Variants in FAT1 observed in about 807,000 individuals in gnomAD.
The protein encoded by FAT1 is protocadherin Fat 1.
Under a neutral mutation model 329.8 loss-of-function variants are expected in FAT1, and 171 were observed. That is an observed-to-expected ratio of 0.52 (90% CI 0.46 to 0.59). FAT1 has a LOEUF of 0.59. Among genes scored for constraint, FAT1 ranks in the 20% least tolerant of loss-of-function variants. FAT1 has a pLI of 0.00. For synonymous variants in FAT1, 2,233 were observed against 2,228.6 expected (o/e 1.00, Z -0.06); for missense variants, 5,672 against 5,774.4 (o/e 0.98, Z 0.57).
intron 1 of FAT1, among the ~76,000 whole-genome samples, chr4:186,723,427 T>C (rs866351810): frequency 1.3e-5 from 2 of 152,190 alleles, no homozygotes; most frequent in South Asian, 4.1e-4. Flanking sequence ...TGGCCCCGGA[T>C]CGGTCCCGCG....
intron 3 of FAT1, among the ~76,000 whole-genome samples, chr4:186,662,037 A>T (rs1471341019): frequency 8.0e-6 from 1 of 125,782 alleles, no homozygotes; most frequent in Non-Finnish European, 1.6e-5. Flanking sequence ...CCCCCCAAAC[A>T]CACACTTGGT....
chr4:186,624,534 T>A (rs975139239), intron 9 of FAT1, among the ~76,000 whole-genome samples: 11 of 152,202 alleles, frequency 7.2e-5, no homozygotes, highest in South Asian at 2.1e-4. Context: ...TCTACTTTTT[T>A]AAAAAGATGT....
intron 7 of FAT1, among the ~76,000 whole-genome samples, chr4:186,631,312 C>T (rs141450954): frequency 0.033 from 4,914 of 150,282 alleles, 244 homozygotes; most frequent in African/African-American, 0.12. Context: ...TCCATCCCCG[C>T]GGTATCCTAG....
intron 14 of FAT1, among the ~76,000 whole-genome samples, chr4:186,610,428 C>T (rs1474642074): frequency 4.0e-5 from 6 of 151,598 alleles, no homozygotes. Flanking sequence ...TTTTCCTTCT[C>T]ATATTTTTAA....
At chr4:186,694,997 G>T (rs899982527) in intron 2 of FAT1, among the ~76,000 whole-genome samples, 1 of 152,064 alleles carries the variant, frequency 6.6e-6, no homozygotes, top group Non-Finnish European at 1.5e-5. Context: ...ATACAAAACA[G>T]CTTTTTCAAA....
chr4:186,666,185 TAA>T (rs34266165), intron 2 of FAT1, among the ~76,000 whole-genome samples: 95,224 of 149,910 alleles, frequency 0.64, 31,215 homozygotes, highest in African/African-American at 0.83. Context: ...TAAAGGATAG[TAA>T]AAAAAAAAAA....
intron 2 of FAT1, among the ~76,000 whole-genome samples, chr4:186,703,331 C>T (rs998530547): frequency 6.6e-6 from 1 of 152,152 alleles, no homozygotes. Context: ...TCTACAAAAA[C>T]AGAAAACTAC....
At chr4:186,679,268 T>G (rs867682390) in intron 2 of FAT1, among the ~76,000 whole-genome samples, 2 of 151,616 alleles carry the variant, frequency 1.3e-5, no homozygotes, top group Non-Finnish European at 1.5e-5. Flanking sequence ...TACAAAAAAA[T>G]TACCCGGGCG....
rs756446326 is a variant in FAT1 at position 186,628,136 on chromosome 4, T to C, written c.4810+18A>G. On this transcript the variant is annotated intron_variant, in intron 9 of 26. Coordinates refer to ENST00000441802, the MANE Select transcript of FAT1 (RefSeq NM_005245.4). ...AACAACTGCAAATTTAAAATGCCAC[T>C]GAAGGCTCCAAAAGTACCTGACTCG... is the stretch of plus-strand genomic sequence containing the variant. 5.0e-6 allele frequency: 8 copies of C among 1,610,996 alleles called. No homozygotes were observed. Among genetic ancestry groups the C allele is most frequent in the African/African-American group, 4.0e-5 (3 of 74,896 alleles).
At chr4:186,616,980 C>G in intron 11 of FAT1, 25 bp downstream of exon 11, 1 of 1,591,408 alleles carries the variant, frequency 6.3e-7, no homozygotes, top group Non-Finnish European at 8.6e-7. Flanking sequence ...TCATAACACA[C>G]AAATGTAAGG....
chr4:186,595,881 C>T lies in FAT1; in HGVS notation c.13001-55G>A, dbSNP rs559619071. 1.3e-4 allele frequency: 200 copies of T among 1,592,900 alleles called. 1 individual carries two copies. The highest frequency in any genetic ancestry group is 7.0e-4 in the South Asian group (63 of 89,896). On this transcript the variant is annotated intron_variant, in intron 25 of 26. Transcript: ENST00000441802. ...TATGGGCCAAGACGGTTTTGTTCAC[C>T]GCTGAATCCTGAGACACACCATGCA...
intron 1 of FAT1, among the ~76,000 whole-genome samples, chr4:186,722,649 T>G (rs897519875): frequency 1.3e-5 from 2 of 152,194 alleles, no homozygotes; most frequent in Non-Finnish European, 2.9e-5. Context: ...AAGAATAGTG[T>G]GAAAAACATC....
At chr4:186,679,604 G>GA (rs201653200) in intron 2 of FAT1, among the ~76,000 whole-genome samples, 26,786 of 145,388 alleles carry the variant, frequency 0.18, 2,653 homozygotes, top group East Asian at 0.27. Context: ...TTCAACATGG[G>GA]AAAAAAAAAA....
intron 11 of FAT1, among the ~76,000 whole-genome samples, 180 bp downstream of exon 11, chr4:186,616,818 TTTATTGA>T (rs1185908339): frequency 1.1e-4 from 16 of 152,222 alleles, no homozygotes; most frequent in African/African-American, 3.9e-4. Flanking sequence ...AGGCTTTTGA[TTTATTGA>T]GCATTCCCGC....
intron 1 of FAT1, among the ~76,000 whole-genome samples, chr4:186,712,541 G>T (rs932404624): frequency 1.3e-5 from 2 of 152,162 alleles, no homozygotes; most frequent in Admixed American, 6.5e-5. Flanking sequence ...TACATTTCCT[G>T]GCCAGACACA....
intron 3 of FAT1, among the ~76,000 whole-genome samples, chr4:186,657,219 G>A (rs1741945550): frequency 6.6e-6 from 1 of 152,110 alleles, no homozygotes; most frequent in African/African-American, 2.4e-5. Context: ...GCCAAAAACT[G>A]GCAGCAATAC....
chr4:186,676,280 A>C (rs1742955139), intron 2 of FAT1, among the ~76,000 whole-genome samples: 1 of 94,454 alleles, frequency 1.1e-5, no homozygotes. Context: ...CATTTTGTGA[A>C]AAAAAAAAAC....
chr4:186,619,165 C>T lies in FAT1; in HGVS notation c.7421G>A (p.Ser2474Asn), dbSNP rs1422896730. Reference protein sequence around the residue: ...NLSVSDGVFRSSTQVHVTVIG... With the variant: ...NLSVSDGVFRNSTQVHVTVIG... The stretch of plus-strand genomic sequence containing the variant: ...TACAGTTACATGAACCTGGGTGGAA[C>T]TTCTAAAAACTCCATCAGACACTGA... Residue 2474 changes from serine to asparagine, a missense_variant, in exon 10 of 27, where the codon AGT becomes AAT. Physicochemically the swap from Ser to Asn is conservative, Grantham distance 46 (BLOSUM62 1). Transcript: ENST00000441802. 3.7e-6 allele frequency: 6 copies of T among 1,613,822 alleles called. No individual in the cohort carries two copies. The highest frequency in any genetic ancestry group is 5.1e-6 in the Non-Finnish European group (6 of 1,179,910).
At position 186,663,386 on chromosome 4, in the gene FAT1, C is replaced by G. The variant is rs2126617098; in HGVS notation, c.3493G>C (p.Asp1165His). The G allele has an allele frequency of 6.2e-7, 1 of 1,614,004 alleles. No individual in the cohort carries two copies. The change falls in exon 3 of 27, where the codon GAT becomes CAT. Residue 1165 changes from aspartate to histidine, a missense_variant. Coordinates refer to ENST00000441802, the MANE Select transcript of FAT1 (RefSeq NM_005245.4). Reference sequence around the variant, plus strand: ...TTGTCATTAGAGCTCGAATCTGGATCAAATGCCTCGATCTGGACCACAGAT... The same window carrying G: ...TTGTCATTAGAGCTCGAATCTGGATGAAATGCCTCGATCTGGACCACAGAT... ...DVSVVQIEAF[D>H]PDSSSNDKLM... is the part of the protein sequence containing the mutation.
Sources: allele counts gnomAD v4.1 joint callset (sites outside exome capture counted in the v4.1 genomes callset), GRCh38; gene constraint gnomAD v4.1.1; transcripts MANE v1.5; gene names NCBI Gene and HGNC (gene_info 2026-07-23, HGNC 2026-07-21).